LARP1: variants seen among roughly 807,000 people sequenced by gnomAD.
LARP1 encodes La ribonucleoprotein 1, translational regulator.
Under a neutral mutation model 122.7 loss-of-function variants are expected in LARP1, and 36 were observed. That is an observed-to-expected ratio of 0.29 (90% CI 0.22 to 0.39). LARP1 has a LOEUF of 0.39. Ranked by LOEUF, LARP1 falls within the 10% of genes least tolerant of loss-of-function variation. The pLI, the probability that LARP1 is intolerant of heterozygous loss-of-function variation, is 1.00. For synonymous variants in LARP1, 539 were observed against 528.7 expected, an observed-to-expected ratio of 1.02 and a Z score of -0.27; for missense variants, 1,040 against 1,403.6, an observed-to-expected ratio of 0.74 and a Z score of 4.14.
chr5:154,771,132 G>A lies in LARP1; in HGVS notation c.436+14939G>A, dbSNP rs762711704. Among the ~76,000 whole-genome samples, 510 of 145,548 alleles carry A rather than the reference G, an allele frequency of 3.5e-3. 1 individual carries two copies. The highest frequency in any genetic ancestry group is 4.2e-3 in the Non-Finnish European group (283 of 66,682). ...GTCTCAAAAGAAAAAAAAAAAAAAA[G>A]GATTGGATCCTGTGCTGTCAAGTGC... On this transcript the variant is annotated intron_variant, in intron 1 of 18. Coordinates refer to ENST00000518297, the MANE Select transcript of LARP1 (RefSeq NM_033551.3).
intron 1 of LARP1, among the ~76,000 whole-genome samples, chr5:154,721,172 G>A (rs926137939): frequency 4.0e-5 from 6 of 151,664 alleles, no homozygotes; most frequent in African/African-American, 1.2e-4. Context: ...GTGCAACCTC[G>A]TCTCTAAAAA....
chr5:154,722,204 A>G (rs1755915622), intron 1 of LARP1, among the ~76,000 whole-genome samples: 1 of 152,112 alleles, frequency 6.6e-6, no homozygotes, highest in South Asian at 2.1e-4. Context: ...ACTCCGCATG[A>G]TCTGCCTTCA....
At chr5:154,792,028 T>G in intron 3 of LARP1, 1 of 452,268 alleles carries the variant, frequency 2.2e-6, no homozygotes, top group South Asian at 1.6e-5. Flanking sequence ...GTTGTATTAT[T>G]CCCCAGCCTG....
At chr5:154,767,494 A>C (rs1363314807) in intron 1 of LARP1, among the ~76,000 whole-genome samples, 1 of 152,100 alleles carries the variant, frequency 6.6e-6, no homozygotes, top group East Asian at 1.9e-4. Context: ...AGTTTTTCTG[A>C]CCTTGCCCTA....
At chr5:154,795,973 ATATATTTATATATTATATATT>A (rs1757750983) in intron 8 of LARP1, among the ~76,000 whole-genome samples, 1 of 118,028 alleles carries the variant, frequency 8.5e-6, no homozygotes, top group African/African-American at 3.4e-5. Context: ...TATACATATT[ATATATTTATATATTATATATT>A]TTTATATATA....
chr5:154,693,242 A>G (rs987703830), intron 1 of LARP1, among the ~76,000 whole-genome samples: 13 of 145,770 alleles, frequency 8.9e-5, no homozygotes, highest in African/African-American at 3.1e-4. Flanking sequence ...GGCTCAAGCA[A>G]TCCTCCCACC....
intron 1 of LARP1, among the ~76,000 whole-genome samples, chr5:154,700,652 C>A (rs1281895726): frequency 6.6e-6 from 1 of 152,068 alleles, no homozygotes; most frequent in Non-Finnish European, 1.5e-5. Context: ...GAGACAGGGT[C>A]TCGCTCTATC....
At chr5:154,721,954 G>A (rs184198169) in intron 1 of LARP1, among the ~76,000 whole-genome samples, 4 of 152,150 alleles carry the variant, frequency 2.6e-5, no homozygotes, top group Non-Finnish European at 4.4e-5. Context: ...ATGGTTGAAC[G>A]TCCAGTCACT....
rs1259885527 is a variant in LARP1, at chr5:154,789,340, C to A, written c.437-985C>A. On this transcript the variant is annotated intron_variant, in intron 1 of 18. Coordinates refer to ENST00000518297, the MANE Select transcript of LARP1 (RefSeq NM_033551.3). ...GTTCAAGTGATTCTCCTGCCTCAGCCTCCCAAGTAGCTGGGATTACGGGCG... is the reference window on the plus strand; with the variant it reads ...GTTCAAGTGATTCTCCTGCCTCAGCATCCCAAGTAGCTGGGATTACGGGCG... 2.0e-5 allele frequency among the ~76,000 whole-genome samples: 3 copies of A among 151,472 alleles called. No individual in the cohort carries two copies. The East Asian group carries it at 5.9e-4, about 30-fold the overall frequency.
intron 18 of LARP1, among the ~76,000 whole-genome samples, chr5:154,812,474 AAGG>A (rs1459617276): frequency 1.3e-5 from 2 of 148,532 alleles, no homozygotes; most frequent in Non-Finnish European, 1.5e-5. Context: ...TGGTGGCAGC[AAGG>A]AGAAGTGCAG....
chr5:154,769,507 A>G (rs1453483851), intron 1 of LARP1, among the ~76,000 whole-genome samples: 1 of 152,182 alleles, frequency 6.6e-6, no homozygotes, highest in East Asian at 1.9e-4. Flanking sequence ...TAGGAGTTGC[A>G]CTCAATAGAG....
At chr5:154,719,115 G>A in intron 1 of LARP1, among the ~76,000 whole-genome samples, 1 of 152,202 alleles carries the variant, frequency 6.6e-6, no homozygotes, top group East Asian at 1.9e-4. Context: ...GCCTGGCTGG[G>A]ATAGGGGCTA....
At chr5:154,721,022 C>G (rs1561544502) in intron 1 of LARP1, among the ~76,000 whole-genome samples, 1 of 151,420 alleles carries the variant, frequency 6.6e-6, no homozygotes, top group Non-Finnish European at 1.5e-5. Context: ...TTCAGTGATT[C>G]ATATGATTCC....
chr5:154,727,535 A>G (rs1024292510), intron 1 of LARP1, among the ~76,000 whole-genome samples: 1 of 152,194 alleles, frequency 6.6e-6, no homozygotes, highest in Non-Finnish European at 1.5e-5. Flanking sequence ...CAAAGGCTAC[A>G]AAATTTCAGT....
In LARP1 at chr5:154,712,905, A is replaced by T. The variant is rs1347036846; in HGVS notation, c.-21A>T. 1.9e-6 allele frequency: 3 copies of T among 1,607,152 alleles called. No homozygotes were observed. In the East Asian group the frequency reaches 6.7e-5, roughly 36 times the overall value. On this transcript the variant is annotated 5_prime_UTR_variant, in exon 1 of 19. Transcript: ENST00000336314. ...CTAAACCCTCCAGGGCCACATAGTG[A>T]CCCCAGGCCCTGGTCACTCCATGCT... is the stretch of plus-strand genomic sequence containing the variant.
Position 154,689,305 on chromosome 5 carries a change from T to G in LARP1, c.-180+6268T>G, listed in dbSNP as rs186468972. On this transcript the variant is annotated intron_variant, in intron 1 of 18. Transcript: ENST00000687700. ...CGTCTCTACCAAAAATACAAAAAATTAGCCAGGCGTGGTGGCGGCACTTGT... is the reference window on the plus strand; with the variant it reads ...CGTCTCTACCAAAAATACAAAAAATGAGCCAGGCGTGGTGGCGGCACTTGT... Among the ~76,000 whole-genome samples the G allele has an allele frequency of 4.1e-3, 628 of 152,194 alleles. 2 individuals carry two copies. The highest frequency in any genetic ancestry group is 0.015 in the African/African-American group (614 of 41,516).
At chr5:154,702,818 CAA>C (rs1222978606) in intron 1 of LARP1, among the ~76,000 whole-genome samples, 9 of 152,026 alleles carry the variant, frequency 5.9e-5, no homozygotes, top group Admixed American at 2.0e-4. Context: ...CAACCAGAGG[CAA>C]AGAGAGGACA....
At chr5:154,810,127 T>A (rs2113018675) in intron 16 of LARP1, among the ~76,000 whole-genome samples, 1 of 152,290 alleles carries the variant, frequency 6.6e-6, no homozygotes, top group Admixed American at 6.5e-5. Flanking sequence ...GTAAACAGTT[T>A]GGTACATCTG....
At chr5:154,779,847 G>T (rs1756272010) in intron 1 of LARP1, among the ~76,000 whole-genome samples, 1 of 152,082 alleles carries the variant, frequency 6.6e-6, no homozygotes, top group African/African-American at 2.4e-5. Flanking sequence ...GGTGCCTTGA[G>T]AGCATCCGTG....
Sources: allele counts gnomAD v4.1 joint callset (sites outside exome capture counted in the v4.1 genomes callset), GRCh38; gene constraint gnomAD v4.1.1; transcripts MANE v1.5; gene names NCBI Gene and HGNC (gene_info 2026-07-23, HGNC 2026-07-21).